Variants in DOCK3 observed in about 807,000 individuals in gnomAD.
The protein encoded by DOCK3 is dedicator of cytokinesis protein 3.
DOCK3 carries 60 observed loss-of-function variants against 265.6 expected under a neutral mutation model. That is an observed-to-expected ratio of 0.23 (90% CI 0.18 to 0.28). The LOEUF (loss-of-function observed/expected upper bound fraction) is 0.28, where lower values mean the gene tolerates loss of function less well. Among genes scored for constraint, DOCK3 ranks in the 10% least tolerant of loss-of-function variants. DOCK3 has a pLI of 1.00. For missense variants in DOCK3, 1,981 were observed against 2,594.3 expected, an observed-to-expected ratio of 0.76 and a Z score of 5.14; for synonymous variants, 881 against 938.0, an observed-to-expected ratio of 0.94 and a Z score of 1.11.
At chr3:51,110,429 A>G (rs2083466736) in intron 9 of DOCK3, among the ~76,000 whole-genome samples, 1 of 152,162 alleles carries the variant, frequency 6.6e-6, no homozygotes, top group Admixed American at 6.5e-5. Context: ...TGATGCAAAA[A>G]TCCTCAACAA....
chr3:50,877,867 C>G (rs2047793236), intron 3 of DOCK3, among the ~76,000 whole-genome samples: 1 of 152,124 alleles, frequency 6.6e-6, no homozygotes, highest in Non-Finnish European at 1.5e-5. Context: ...TGGGAGACAT[C>G]TCCCAATAGA....
At chr3:50,902,497 C>G (rs909878679) in intron 4 of DOCK3, among the ~76,000 whole-genome samples, 2 of 152,080 alleles carry the variant, frequency 1.3e-5, no homozygotes, top group African/African-American at 4.8e-5. Context: ...TGTAGAAGTT[C>G]AGTCTTATTT....
chr3:50,925,329 G>C (rs2050701158), intron 4 of DOCK3, among the ~76,000 whole-genome samples: 1 of 152,190 alleles, frequency 6.6e-6, no homozygotes, highest in Admixed American at 6.5e-5. Flanking sequence ...ATGTATATCA[G>C]ATTGTCTCAT....
intron 12 of DOCK3, among the ~76,000 whole-genome samples, chr3:51,193,091 T>G (rs2088049389): frequency 6.6e-6 from 1 of 152,198 alleles, no homozygotes. Flanking sequence ...GATATGCTCT[T>G]TCTATGCCTA....
chr3:50,825,876 C>T (rs1340453878), intron 2 of DOCK3, among the ~76,000 whole-genome samples: 1 of 152,004 alleles, frequency 6.6e-6, no homozygotes, highest in South Asian at 2.1e-4. Flanking sequence ...TTTTCTTTGT[C>T]AGCTGAATCT....
intron 1 of DOCK3, among the ~76,000 whole-genome samples, chr3:50,696,927 A>ATTT: frequency 7.2e-6 from 1 of 139,614 alleles, no homozygotes; most frequent in African/African-American, 2.6e-5. Flanking sequence ...ATAGCACTGA[A>ATTT]TTTTTTTTTT....
intron 12 of DOCK3, among the ~76,000 whole-genome samples, chr3:51,197,154 T>C (rs1329548990): frequency 6.6e-6 from 1 of 152,188 alleles, no homozygotes; most frequent in African/African-American, 2.4e-5. Flanking sequence ...TGTGATTTCC[T>C]GGATAGGTTA....
At chr3:51,066,662 G>A (rs759538093) in intron 6 of DOCK3, among the ~76,000 whole-genome samples, 3 of 152,194 alleles carry the variant, frequency 2.0e-5, no homozygotes, top group East Asian at 1.9e-4. Context: ...AGGGACTTGC[G>A]GATGTGCTTC....
intron 12 of DOCK3, among the ~76,000 whole-genome samples, chr3:51,191,513 C>T (rs2107845095): frequency 6.6e-6 from 1 of 152,242 alleles, no homozygotes; most frequent in African/African-American, 2.4e-5. Context: ...TAAGGCCTTC[C>T]CCTGTGGGCT....
chr3:51,120,393 T>G (rs1280263485), intron 9 of DOCK3, among the ~76,000 whole-genome samples: 1 of 152,146 alleles, frequency 6.6e-6, no homozygotes, highest in Non-Finnish European at 1.5e-5. Flanking sequence ...CTGTATGAGG[T>G]GTCTGTCGAC....
intron 4 of DOCK3, among the ~76,000 whole-genome samples, chr3:50,931,685 CT>C (rs2051076411): frequency 6.6e-6 from 1 of 152,152 alleles, no homozygotes; most frequent in Admixed American, 6.5e-5. Flanking sequence ...AGTTATTTTC[CT>C]GCTCCCATCT....
At chr3:51,203,360 C>T (rs975527374) in intron 12 of DOCK3, among the ~76,000 whole-genome samples, 9 of 152,196 alleles carry the variant, frequency 5.9e-5, no homozygotes, top group African/African-American at 1.7e-4. Context: ...CACAAGCATT[C>T]TTATACACCA....
At chr3:50,992,508 G>A (rs1363252005) in intron 5 of DOCK3, among the ~76,000 whole-genome samples, 1 of 152,174 alleles carries the variant, frequency 6.6e-6, no homozygotes, top group Non-Finnish European at 1.5e-5. Context: ...TGTTGGCTAG[G>A]CTGGTCTCGA....
In DOCK3 at chr3:51,310,405, G is replaced by A; in HGVS notation, c.3017+79G>A. 6 of 1,293,538 alleles carry A rather than the reference G, an allele frequency of 4.6e-6. No individual in the cohort carries two copies. The South Asian group carries it at 7.6e-5, about 16-fold the overall frequency. 80.1% of individuals were successfully genotyped at this position (1,293,538 alleles called of 1,614,324 possible). A position where few individuals can be genotyped will look rare whatever the true frequency, so the allele number is the denominator to read the frequency against. ...AGAGTATGTGTATTTCAGAGAGGGA[G>A]CACATGAGCAAGACAAATAAAGGCC... On this transcript the variant is annotated intron_variant, in intron 28 of 52. Coordinates refer to ENST00000266037, the MANE Select transcript of DOCK3 (RefSeq NM_004947.5).
chr3:50,878,720 G>T (rs896347991), intron 3 of DOCK3, among the ~76,000 whole-genome samples: 5 of 152,140 alleles, frequency 3.3e-5, no homozygotes, highest in Non-Finnish European at 5.9e-5. Context: ...TATTAACCAG[G>T]AGAATATCCC....
At chr3:50,862,601 G>T (rs1359611173) in intron 3 of DOCK3, among the ~76,000 whole-genome samples, 1 of 152,166 alleles carries the variant, frequency 6.6e-6, no homozygotes, top group Non-Finnish European at 1.5e-5. Flanking sequence ...TGACTTTGTT[G>T]CAGGACTCAT....
intron 1 of DOCK3, among the ~76,000 whole-genome samples, chr3:50,704,712 C>G (rs1003724292): frequency 4.6e-5 from 7 of 151,780 alleles, no homozygotes; most frequent in Non-Finnish European, 4.4e-5. Flanking sequence ...TGAAACCTCC[C>G]CTTCCTGGGT....
intron 5 of DOCK3, among the ~76,000 whole-genome samples, chr3:51,027,911 A>G (rs1422004308): frequency 6.6e-6 from 1 of 151,944 alleles, no homozygotes; most frequent in Non-Finnish European, 1.5e-5. Context: ...GTATCTTTTA[A>G]GTGGAGCATT....
At chr3:50,820,764 A>G (rs2044361898) in intron 2 of DOCK3, among the ~76,000 whole-genome samples, 1 of 150,460 alleles carries the variant, frequency 6.6e-6, no homozygotes, top group Admixed American at 6.6e-5. Flanking sequence ...GGCAGAACCA[A>G]TTTACATTCC....
Sources: allele counts gnomAD v4.1 joint callset (sites outside exome capture counted in the v4.1 genomes callset), GRCh38; gene constraint gnomAD v4.1.1; transcripts MANE v1.5; gene names NCBI Gene and HGNC (gene_info 2026-07-23, HGNC 2026-07-21).